The following ACSF3 variants were observed in gnomAD, a reference collection of about 807,000 sequenced individuals.
ACSF3 encodes the protein acyl-CoA synthetase family member 3.
Under a neutral mutation model 53.2 loss-of-function variants are expected in ACSF3, and 78 were observed. The ratio of observed to expected loss-of-function variants is 1.47; its 90% CI spans 1.22 to 1.77. The LOEUF (loss-of-function observed/expected upper bound fraction) is 1.77. ACSF3 is among the 40% of genes most tolerant of loss of function. ACSF3 has a pLI of 0.00. For missense variants in ACSF3, 937 were observed against 771.1 expected (o/e 1.22, Z -2.55); for synonymous variants, 414 against 333.1 (o/e 1.24, Z -2.65).
At chr16:89,133,939 T>C (rs1243338986) in intron 8 of ACSF3, among the ~76,000 whole-genome samples, 1 of 152,130 alleles carries the variant, frequency 6.6e-6, no homozygotes, top group Non-Finnish European at 1.5e-5. Context: ...ACCCTCCTGC[T>C]CTCCCTGAGC....
intron 4 of ACSF3, among the ~76,000 whole-genome samples, chr16:89,109,593 A>G (rs1193355302): frequency 6.6e-6 from 1 of 151,568 alleles, no homozygotes; most frequent in Non-Finnish European, 1.5e-5. Flanking sequence ...TTGTATTTTT[A>G]TAGAGACCAG....
At chr16:89,123,273 C>T (rs1031353131) in intron 7 of ACSF3, among the ~76,000 whole-genome samples, 21 of 152,148 alleles carry the variant, frequency 1.4e-4, no homozygotes, top group Admixed American at 2.0e-4. Context: ...GTGGGCGCCC[C>T]AGGACAACCA....
intron 7 of ACSF3, among the ~76,000 whole-genome samples, chr16:89,132,434 G>T (rs1337968999): frequency 6.6e-6 from 1 of 152,204 alleles, no homozygotes; most frequent in East Asian, 1.9e-4. Context: ...ATCTGTTCCT[G>T]GTGCTGCAGG....
Position 89,102,597 on chromosome 16 carries a change from C to T in ACSF3, c.667-7C>T, listed in dbSNP as rs770578916. ...CTTGCTCTCAGCTGTGCTCTCGTCC[C>T]CTGCAGGTGACCGGGCTGGTCCACA... On this transcript the variant is annotated splice_region_variant and splice_polypyrimidine_tract_variant and intron_variant, in intron 3 of 10. Transcript: ENST00000614302. The T allele has an allele frequency of 4.3e-6, 7 of 1,613,518 alleles. No homozygotes were observed. The Admixed American group carries it at 1.0e-4, about 23-fold the overall frequency.
intron 5 of ACSF3, chr16:89,113,111 G>A (rs1416775861): frequency 6.6e-6 from 1 of 152,294 alleles, no homozygotes; most frequent in African/African-American, 2.4e-5. Flanking sequence ...GGCTCAGTGA[G>A]TCTTCACACG....
intron 4 of ACSF3, among the ~76,000 whole-genome samples, chr16:89,111,801 C>G (rs540497492): frequency 9.8e-5 from 15 of 152,354 alleles, no homozygotes; most frequent in South Asian, 8.3e-4. Context: ...CATCCGCCCT[C>G]TCTGTGTAGC....
At chr16:89,118,175 C>T (rs1199480075) in intron 6 of ACSF3, among the ~76,000 whole-genome samples, 1 of 150,802 alleles carries the variant, frequency 6.6e-6, no homozygotes, top group Non-Finnish European at 1.5e-5. Flanking sequence ...ACGGCAGGTT[C>T]CCTCGGGCGC....
intron 9 of ACSF3, 139 bp downstream of exon 9, chr16:89,145,540 G>A: frequency 8.9e-7 from 1 of 1,119,870 alleles, no homozygotes; most frequent in African/African-American, 1.5e-5. Context: ...TCTGGTCCCT[G>A]CCCTGGCCAG....
At chr16:89,125,432 C>G (rs1194489238) in intron 7 of ACSF3, among the ~76,000 whole-genome samples, 2 of 151,994 alleles carry the variant, frequency 1.3e-5, no homozygotes, top group Middle Eastern at 3.4e-3. Flanking sequence ...GTGGCTCATG[C>G]CTGTATTCCC....
At chr16:89,141,837 C>T (rs1048471077) in intron 8 of ACSF3, among the ~76,000 whole-genome samples, 1 of 152,202 alleles carries the variant, frequency 6.6e-6, no homozygotes. Flanking sequence ...ACGCCACACA[C>T]GTGCTCTGAG....
At chr16:89,140,969 A>G (rs1235847580) in intron 8 of ACSF3, 1 of 978,772 alleles carries the variant, frequency 1.0e-6, no homozygotes, top group Non-Finnish European at 1.4e-6. Flanking sequence ...TACACAGCCC[A>G]TTGGCAGCCG....
At position 89,154,270 on chromosome 16, in the gene ACSF3, C is replaced by G. The variant is rs750400083; in HGVS notation, c.*63C>G. 5.3e-6 allele frequency: 8 copies of G among 1,505,158 alleles called. No individual in the cohort carries two copies. Among genetic ancestry groups the G allele is most frequent in the Non-Finnish European group, 7.3e-6 (8 of 1,092,430 alleles). The allele number at this position is 1,505,158 out of a possible 1,614,324, so 93.2% of individuals were successfully genotyped here. ...CAGACGTCCCCTTCACACCGAGAAC[C>G]ACGGGGGCCCGTCCAAGACCTGGCC... On this transcript the variant is annotated 3_prime_UTR_variant, in exon 11 of 11. Transcript: ENST00000614302.
At chr16:89,136,651 C>T (rs1910540001) in intron 8 of ACSF3, 5 of 1,287,226 alleles carry the variant, frequency 3.9e-6, no homozygotes, top group Non-Finnish European at 5.1e-6. Context: ...CTGCAGCTCC[C>T]CAACGGCCTC....
At chr16:89,126,775 C>A (rs1271059304) in intron 7 of ACSF3, among the ~76,000 whole-genome samples, 1 of 152,190 alleles carries the variant, frequency 6.6e-6, no homozygotes, top group South Asian at 2.1e-4. Flanking sequence ...TTCTTCCTTT[C>A]CAACCTGTAT....
At position 89,100,971 on chromosome 16, in the gene ACSF3, G is replaced by C; in HGVS notation, c.290G>C (p.Arg97Thr). 1 of 1,613,584 alleles carries C rather than the reference G, an allele frequency of 6.2e-7. No individual in the cohort carries two copies. The highest frequency in any genetic ancestry group is 8.5e-7 in the Non-Finnish European group (1 of 1,179,896). ...GTCGGCGGGGACCTCCGGGAGGAGA[G>C]GGTCTCCTTCCTATGCGCTAACGAT... ...GCVGGDLREE[R>T]VSFLCANDAS... is the part of the protein sequence containing the mutation. The change falls in exon 3 of 11, where the codon AGG becomes ACG. Residue 97 changes from arginine to threonine, a missense_variant. Physicochemically the swap from Arg to Thr is moderately conservative, Grantham distance 71 (BLOSUM62 -1). Coordinates refer to ENST00000614302, the MANE Select transcript of ACSF3 (RefSeq NM_001243279.3).
chr16:89,113,862 A>G, intron 5 of ACSF3: 2 of 279,218 alleles, frequency 7.2e-6, no homozygotes, highest in Admixed American at 9.7e-5. Context: ...TGCCGCGGCC[A>G]TTCACCCATG....
chr16:89,094,504 G>C (rs573063449), intron 1 of ACSF3, among the ~76,000 whole-genome samples: 3 of 152,176 alleles, frequency 2.0e-5, no homozygotes, highest in Non-Finnish European at 4.4e-5. Context: ...GTATTTGGAA[G>C]GTACTGCAGG....
intron 10 of ACSF3, chr16:89,149,269 C>T (rs992097490): frequency 1.3e-5 from 2 of 152,222 alleles, no homozygotes; most frequent in African/African-American, 4.8e-5. Flanking sequence ...CAAATCGTTC[C>T]AGCCTCTGCC....
At chr16:89,141,092 C>G in intron 8 of ACSF3, 1 of 1,286,552 alleles carries the variant, frequency 7.8e-7, no homozygotes, top group Non-Finnish European at 1.0e-6. Context: ...CTGGAGCCCT[C>G]TGAACCTTCT....
Sources: allele counts gnomAD v4.1 joint callset (sites outside exome capture counted in the v4.1 genomes callset), GRCh38; gene constraint gnomAD v4.1.1; transcripts MANE v1.5; gene names NCBI Gene and HGNC (gene_info 2026-07-23, HGNC 2026-07-21).